The following PDIA3 variants were observed in gnomAD, a reference collection of about 807,000 sequenced individuals.
PDIA3 encodes protein disulfide isomerase family A member 3, also known as protein disulfide-isomerase A3.
PDIA3 carries 16 observed loss-of-function variants against 56.9 expected under a neutral mutation model. That is an observed-to-expected ratio of 0.28 (90% CI 0.19 to 0.43). The LOEUF (loss-of-function observed/expected upper bound fraction) is 0.43. PDIA3 is among the 20% of genes least tolerant of loss of function. PDIA3 has a pLI of 1.00. For missense variants in PDIA3, 485 were observed against 621.3 expected, an observed-to-expected ratio of 0.78 and a Z score of 2.33; for synonymous variants, 192 against 216.5, an observed-to-expected ratio of 0.89 and a Z score of 0.99.
chr15:43,769,743 T>C, intron 10 of PDIA3, 97 bp downstream of exon 10: 1 of 1,328,554 alleles, frequency 7.5e-7, no homozygotes, highest in East Asian at 2.3e-5. Context: ...TCCTAAGTAC[T>C]GATAGATTTT....
chr15:43,757,512 C>A (rs544333193), intron 3 of PDIA3, among the ~76,000 whole-genome samples: 1 of 146,368 alleles, frequency 6.8e-6, no homozygotes, highest in African/African-American at 2.5e-5. Flanking sequence ...GAGCCGAGAT[C>A]GCGCCACTGC....
rs960631291 is a variant in PDIA3, at chr15:43,771,188, G to A, written c.1488G>A (p.Lys496=). ...NPPVIQEEKP[K]KKKKAQEDL is the part of the protein sequence containing the mutation. ...CTGTAATTCAAGAAGAAAAACCCAA[G>A]AAGAAGAAGAAGGCACAGGAGGATC... Residue 496 remains lysine (K), a synonymous_variant, in exon 13 of 13, where the codon AAG becomes AAA. Coordinates refer to ENST00000300289, the MANE Select transcript of PDIA3 (RefSeq NM_005313.5). The A allele has an allele frequency of 1.0e-5, 16 of 1,598,056 alleles. No individual in the cohort carries two copies. The highest frequency in any genetic ancestry group is 1.3e-5 in the African/African-American group (1 of 74,454).
chr15:43,759,526 G>A (rs963707443), intron 3 of PDIA3, among the ~76,000 whole-genome samples: 1 of 151,838 alleles, frequency 6.6e-6, no homozygotes, highest in African/African-American at 2.4e-5. Flanking sequence ...TGCAGTTTCT[G>A]AGAACATATG....
Position 43,766,134 on chromosome 15 carries a change from TA to T in PDIA3, c.845+141del, listed in dbSNP as rs34486889. 86,371 of 335,580 alleles carry T rather than the reference TA, an allele frequency of 0.26. 3,139 individuals carry two copies. The highest frequency in any genetic ancestry group is 0.4 in the African/African-American group (15,028 of 37,654). 20.8% of individuals were successfully genotyped at this position (335,580 alleles called of 1,614,324 possible). A position where few individuals can be genotyped will look rare whatever the true frequency, so the allele number is the denominator to read the frequency against. ...CAATAAATGGTTCCTTAAGAAGAGGTAAAAAAAAAAAAAAAAAAATTAAAGT... is the reference window on the plus strand; with the variant it reads ...CAATAAATGGTTCCTTAAGAAGAGGTAAAAAAAAAAAAAAAAAATTAAAGT... On this transcript the variant is annotated intron_variant, in intron 7 of 12. Transcript: ENST00000300289.
In PDIA3 at chr15:43,756,840, G is replaced by A; in HGVS notation, c.364+74G>A. ...CTTTGTAGTGGAAACATAAAAATGT[G>A]TTTTTCTACACAGTATACTTTCAGT... On this transcript the variant is annotated intron_variant, in intron 3 of 12. Transcript: ENST00000300289. 3 of 857,154 alleles carry A rather than the reference G, an allele frequency of 3.5e-6. No homozygotes were observed. The Admixed American group carries it at 6.2e-5, about 18-fold the overall frequency. 53.1% of individuals were successfully genotyped at this position (857,154 alleles called of 1,614,324 possible).
intron 3 of PDIA3, among the ~76,000 whole-genome samples, chr15:43,761,116 C>T (rs2086812470): frequency 6.6e-6 from 1 of 151,670 alleles, no homozygotes. Context: ...GTGGTGGGCA[C>T]CTGTAGTCCC....
intron 11 of PDIA3, 35 bp downstream of exon 11, chr15:43,770,364 C>T: frequency 6.5e-7 from 1 of 1,539,104 alleles, no homozygotes; most frequent in Non-Finnish European, 9.0e-7. Context: ...AGTGTCTAGG[C>T]AATAGATAGG....
intron 1 of PDIA3, among the ~76,000 whole-genome samples, chr15:43,751,265 CCT>C (rs1367764490): frequency 1.3e-5 from 2 of 151,952 alleles, no homozygotes; most frequent in Non-Finnish European, 1.5e-5. Flanking sequence ...GTTGATCCTG[CCT>C]CTCTATTGGC....
chr15:43,758,310 G>A (rs1229483085), intron 3 of PDIA3, among the ~76,000 whole-genome samples: 1 of 152,076 alleles, frequency 6.6e-6, no homozygotes, highest in Non-Finnish European at 1.5e-5. Flanking sequence ...TGCACTATTA[G>A]GAATGTAAAA....
At chr15:43,749,220 A>AC (rs546218177) in intron 1 of PDIA3, among the ~76,000 whole-genome samples, 480 of 152,014 alleles carry the variant, frequency 3.2e-3, no homozygotes, top group Non-Finnish European at 4.8e-3. Flanking sequence ...CAGCCTCCTG[A>AC]GTAGCTGGGA....
intron 6 of PDIA3, 105 bp downstream of exon 6, chr15:43,765,671 G>A (rs1303724752): frequency 1.1e-6 from 1 of 894,450 alleles, no homozygotes; most frequent in South Asian, 1.5e-5. Flanking sequence ...GTCTATTTGG[G>A]GGGATTGTAA....
chr15:43,754,684 C>G (rs2086765916), intron 2 of PDIA3, among the ~76,000 whole-genome samples: 1 of 150,890 alleles, frequency 6.6e-6, no homozygotes, highest in African/African-American at 2.4e-5. Flanking sequence ...AGACTCCAGC[C>G]TAGGTGACAG....
chr15:43,761,586 C>T, intron 4 of PDIA3, 55 bp downstream of exon 4: 2 of 949,278 alleles, frequency 2.1e-6, no homozygotes, highest in Non-Finnish European at 3.3e-6. Flanking sequence ...TTTCCAAAAC[C>T]CTCCATGTCT....
chr15:43,746,924 G>T (rs999229034), intron 1 of PDIA3: 85 of 583,106 alleles, frequency 1.5e-4, no homozygotes, highest in Non-Finnish European at 2.6e-4. Context: ...CTGCGCTCAC[G>T]CAGGGCCTCA....
chr15:43,765,967 T>C lies in PDIA3; in HGVS notation c.800T>C (p.Val267Ala), dbSNP rs759370504. ...GKDLLIAYYD[V>A]DYEKNAKGSN... ...GACTTACTTATTGCTTACTATGATGTGGACTATGAAAAGAACGCTAAAGGT... is the reference window on the plus strand; with the variant it reads ...GACTTACTTATTGCTTACTATGATGCGGACTATGAAAAGAACGCTAAAGGT... The change falls in exon 7 of 13, where the codon GTG becomes GCG. Residue 267 changes from valine to alanine, a missense_variant. By Grantham distance (64) the Val-to-Ala change is moderately conservative. Coordinates refer to ENST00000300289, the MANE Select transcript of PDIA3 (RefSeq NM_005313.5). 5 of 1,613,532 alleles carry C rather than the reference T, an allele frequency of 3.1e-6. No individual in the cohort carries two copies.
rs7169988 is a variant in PDIA3 at position 43,768,237 on chromosome 15, T to C, written c.1029-252T>C. Among the ~76,000 whole-genome samples the C allele has an allele frequency of 0.16, 24,736 of 152,086 alleles. 2,645 individuals carry two copies. Among genetic ancestry groups the C allele is most frequent in the East Asian group, 0.31 (1,589 of 5,160 alleles). On this transcript the variant is annotated intron_variant, in intron 8 of 12. Transcript: ENST00000300289. Reference sequence around the variant, plus strand: ...TGCTCCAGAGCAATAAGACCTTGTTTTCTTACAAAGATGAATCTCCAGAAG... The same window carrying C: ...TGCTCCAGAGCAATAAGACCTTGTTCTCTTACAAAGATGAATCTCCAGAAG...
chr15:43,752,737 C>G (rs1479140508), intron 1 of PDIA3: 1 of 467,886 alleles, frequency 2.1e-6, no homozygotes, highest in East Asian at 6.9e-5. Context: ...ACACCATTGA[C>G]TATTGAAATA....
At position 43,750,171 on chromosome 15, in the gene PDIA3, A is replaced by AT. The variant is rs781370240; in HGVS notation, c.167+3488dup. Among the ~76,000 whole-genome samples the AT allele has an allele frequency of 9.2e-3, 1,075 of 117,370 alleles. 18 individuals are homozygous for AT. The highest frequency in any genetic ancestry group is 0.081 in the East Asian group (293 of 3,634). The allele number at this position is 117,370 out of a possible 152,430, so 77.0% of individuals were successfully genotyped here. ...AACCTCCGCCTCCCCTGTCTGGCTA[A>AT]TTTTTTTTTTTTTTTTTTTTTTTAA... On this transcript the variant is annotated intron_variant, in intron 1 of 12. Transcript: ENST00000300289.
At chr15:43,749,637 A>G (rs976958341) in intron 1 of PDIA3, among the ~76,000 whole-genome samples, 1 of 152,092 alleles carries the variant, frequency 6.6e-6, no homozygotes, top group African/African-American at 2.4e-5. Flanking sequence ...TACTAAAAAT[A>G]CAAAAATTAG....
Sources: gnomAD v4.1 joint callset for allele counts (sites outside exome capture counted in the v4.1 genomes callset) on GRCh38, gnomAD v4.1.1 for gene constraint, MANE v1.5 for transcripts, NCBI Gene and HGNC (gene_info 2026-07-23, HGNC 2026-07-21) for gene names.